Variants in ARAP1 observed in about 807,000 individuals in gnomAD.
ARAP1 encodes ArfGAP with RhoGAP domain, ankyrin repeat and PH domain 1.
In ARAP1, 76 loss-of-function variants were observed where a neutral mutation model predicts 172.2. The ratio of observed to expected loss-of-function variants is 0.44; its 90% confidence interval spans 0.37 to 0.53. The LOEUF (loss-of-function observed/expected upper bound fraction) is 0.53, where lower values mean the gene tolerates loss of function less well. ARAP1 is among the 20% of genes least tolerant of loss of function. ARAP1 has a pLI of 0.00. For synonymous variants in ARAP1, 804 were observed against 803.3 expected (o/e 1.00, Z -0.01); for missense variants, 1,686 against 1,977.5 (o/e 0.85, Z 2.80).
intron 34 of ARAP1, 55 bp downstream of exon 34, chr11:72,685,987 C>T (rs1450843681): frequency 1.2e-6 from 2 of 1,613,090 alleles, no homozygotes; most frequent in Non-Finnish European, 1.7e-6. Context: ...GAGTAGAAGG[C>T]AGGCACCCAG....
In ARAP1 at chr11:72,699,606, C is replaced by A; in HGVS notation, c.2303-54G>T. 3 of 1,578,322 alleles carry A rather than the reference C, an allele frequency of 1.9e-6. No individual in the cohort carries two copies. The highest frequency in any genetic ancestry group is 2.6e-6 in the Non-Finnish European group (3 of 1,162,932). On this transcript the variant is annotated intron_variant, in intron 16 of 34. Transcript: ENST00000393609. This position sits in a 1 kb window ranked among gnomAD's most constrained non-coding sequence, Gnocchi z 4.2. ...CAGGGAGCCCCCCACCACCTGAAAA[C>A]CACCTCTGCATCCTCCCGGGGCTCC...
intron 14 of ARAP1, chr11:72,703,879 G>A (rs1035312583): frequency 1.2e-5 from 6 of 483,314 alleles, no homozygotes; most frequent in Admixed American, 7.6e-5. Flanking sequence ...AGAAGCAACC[G>A]GACGGGGTGC....
chr11:72,729,430 A>G (rs977213905), intron 2 of ARAP1, among the ~76,000 whole-genome samples: 1 of 152,066 alleles, frequency 6.6e-6, no homozygotes, highest in African/African-American at 2.4e-5. Flanking sequence ...TGTCTCTACT[A>G]AAAATACAAA....
At chr11:72,733,685 C>G (rs1013199479) in intron 1 of ARAP1, among the ~76,000 whole-genome samples, 2 of 152,184 alleles carry the variant, frequency 1.3e-5, no homozygotes, top group Non-Finnish European at 1.5e-5. Context: ...CTGCTGTGCT[C>G]TGCATAATGG....
intron 1 of ARAP1, among the ~76,000 whole-genome samples, chr11:72,736,811 T>A (rs1252107063): frequency 2.6e-5 from 4 of 152,142 alleles, no homozygotes; most frequent in Non-Finnish European, 5.9e-5. Context: ...AGCTCTGACG[T>A]TTACAGACGA....
chr11:72,690,246 CA>C (rs1379491419), intron 30 of ARAP1, among the ~76,000 whole-genome samples: 1 of 152,122 alleles, frequency 6.6e-6, no homozygotes, highest in Non-Finnish European at 1.5e-5. Context: ...CTGCAGGAAT[CA>C]AGACATTCAA....
intron 5 of ARAP1, chr11:72,712,964 G>C (rs1382186807): frequency 4.9e-6 from 3 of 617,086 alleles, no homozygotes; most frequent in Non-Finnish European, 8.6e-6. Context: ...CCAGGGCCTG[G>C]GGGAGCCACA....
rs754583092 is a variant in ARAP1, at chr11:72,697,582, G to A, written c.2789+16C>T. The A allele has an allele frequency of 1.1e-5, 17 of 1,613,896 alleles. No individual in the cohort carries two copies. Among genetic ancestry groups the A allele is most frequent in the African/African-American group, 6.7e-5 (5 of 74,912 alleles). ...CTCCAGCCTTCTCAGAGCCCCTCAG[G>A]GAGGCCGTGGCTCACCTCCTTCGCT... On this transcript the variant is annotated intron_variant, in intron 20 of 34. Coordinates refer to ENST00000393609, the MANE Select transcript of ARAP1 (RefSeq NM_001040118.3).
chr11:72,694,453 T>C (rs1295419720), intron 27 of ARAP1, among the ~76,000 whole-genome samples: 1 of 151,870 alleles, frequency 6.6e-6, no homozygotes, highest in Non-Finnish European at 1.5e-5. Flanking sequence ...GCTTTTGCCT[T>C]CTTCACCAAG....
rs1178491905 is a variant in ARAP1 at position 72,703,043 on chromosome 11, C to T, written c.2029G>A (p.Glu677Lys). 1 of 1,598,368 alleles carries T rather than the reference C, an allele frequency of 6.3e-7. No individual in the cohort carries two copies. ...CAAVTTTDLA[E>K]TQALLGCGAG... ...CCACAGCCCAGGAGCGCCTGGGTCT[C>T]AGCCAGGTCTGTGGTGGTGACTGCA... Residue 677 changes from glutamate to lysine, a missense_variant, in exon 15 of 35, where the codon GAG (glutamate) becomes AAG (lysine). By Grantham distance (56) the Glu-to-Lys change is moderately conservative (BLOSUM62 1). This residue lies in a region of ARAP1 where 688 missense variants were observed against 856.9 expected (regional missense o/e 0.80). Coordinates refer to ENST00000393609, the MANE Select transcript of ARAP1 (RefSeq NM_001040118.3).
Position 72,685,682 on chromosome 11 carries a change from C to A in ARAP1, c.4336-1G>T. 1 of 1,614,046 alleles carries A rather than the reference C, an allele frequency of 6.2e-7. No individual in the cohort carries two copies. Among genetic ancestry groups the A allele is most frequent in the Non-Finnish European group, 8.5e-7 (1 of 1,179,896 alleles). Reference sequence around the variant, plus strand: ...CCTGTGCTCAGACGTTGCGCAGAAGCTGCAGGAAGGCAAGAGACCCACAGG... The same window carrying A: ...CCTGTGCTCAGACGTTGCGCAGAAGATGCAGGAAGGCAAGAGACCCACAGG... On this transcript the variant is annotated splice_acceptor_variant, in intron 34 of 34. Transcript: ENST00000393609. LOFTEE classifies it high-confidence loss of function.
Position 72,705,650 on chromosome 11 carries a change from G to C in ARAP1, c.1809+155C>G. ...CAGTTTGCTGACTTTGCCAAAAATTGCTTTTCCGAAATCCCCACCCACTAG... is the reference window on the plus strand; with the variant it reads ...CAGTTTGCTGACTTTGCCAAAAATTCCTTTTCCGAAATCCCCACCCACTAG... On this transcript the variant is annotated intron_variant, in intron 13 of 34. Transcript: ENST00000393609. 3 of 690,426 alleles carry C rather than the reference G, an allele frequency of 4.3e-6. No homozygotes were observed. The South Asian group carries it at 7.5e-5, about 17-fold the overall frequency. 42.8% of individuals were successfully genotyped at this position (690,426 alleles called of 1,614,324 possible).
intron 3 of ARAP1, among the ~76,000 whole-genome samples, chr11:72,716,696 A>G (rs1416284650): frequency 6.6e-6 from 1 of 152,254 alleles, no homozygotes; most frequent in Non-Finnish European, 1.5e-5. Context: ...CCTATGAGTC[A>G]CTATCCACTG....
chr11:72,731,479 C>A (rs764650454), intron 2 of ARAP1, among the ~76,000 whole-genome samples: 1 of 152,212 alleles, frequency 6.6e-6, no homozygotes, highest in Non-Finnish European at 1.5e-5. Flanking sequence ...CCTGCTCCCG[C>A]TTTGCCTTCT....
chr11:72,688,457 G>A lies in ARAP1; in HGVS notation c.4068C>T (p.Thr1356=), dbSNP rs148121568. 310 of 1,611,520 alleles carry A rather than the reference G, an allele frequency of 1.9e-4. 2 individuals are homozygous for A. The East Asian group carries it at 6.3e-3, about 33-fold the overall frequency. ...LGVKKKLRPP[T]CWGFTVVHET... Reference sequence around the variant, plus strand: ...CTATCTGCCCAGTCCCAGCTTACCAGGTGGGTGGCCTGAGTTTCTTCTTCA... The same window carrying A: ...CTATCTGCCCAGTCCCAGCTTACCAAGTGGGTGGCCTGAGTTTCTTCTTCA... Residue 1356 remains threonine (T), a splice_region_variant and synonymous_variant, in exon 31 of 35, where the codon ACC becomes ACT. Transcript: ENST00000393609.
intron 13 of ARAP1, chr11:72,705,425 A>G (rs2135527339): frequency 1.1e-5 from 2 of 182,974 alleles, no homozygotes; most frequent in Admixed American, 1.2e-4. Context: ...AGCCCTGCCC[A>G]GGACCTCAGT....
intron 1 of ARAP1, among the ~76,000 whole-genome samples, chr11:72,749,928 T>G (rs1858486586): frequency 6.6e-6 from 1 of 151,510 alleles, no homozygotes. Context: ...GAGGCCAGAC[T>G]AGGAGACAGA....
intron 3 of ARAP1, chr11:72,722,296 C>T: frequency 2.0e-6 from 2 of 985,662 alleles, no homozygotes; most frequent in Non-Finnish European, 2.4e-6. Flanking sequence ...TTTGTGTCTC[C>T]CCCACCTCCT....
In ARAP1 at chr11:72,710,062, C is replaced by G. The variant is rs372070176; in HGVS notation, c.1417-86G>C. 6 of 1,242,502 alleles carry G rather than the reference C, an allele frequency of 4.8e-6. No homozygotes were observed. Among genetic ancestry groups the G allele is most frequent in the Non-Finnish European group, 7.1e-6 (6 of 848,170 alleles). 77.0% of individuals were successfully genotyped at this position (1,242,502 alleles called of 1,614,324 possible). On this transcript the variant is annotated intron_variant, in intron 10 of 34. Coordinates refer to ENST00000393609, the MANE Select transcript of ARAP1 (RefSeq NM_001040118.3). This position sits in a 1 kb window ranked among gnomAD's most constrained non-coding sequence, Gnocchi z 4.3. ...ACAGGGAGAGGAAGGGAAGGTGGTG[C>G]AACTCAGGGACTGGGGGGGGTGCCC...
Sources: gnomAD v4.1 joint callset for allele counts (sites outside exome capture counted in the v4.1 genomes callset) on GRCh38, gnomAD v4.1.1 for gene constraint, gnomAD v4.1.1 regional missense constraint, Gnocchi (gnomAD v3.1) non-coding constraint, MANE v1.5 for transcripts, NCBI Gene and HGNC (gene_info 2026-07-23, HGNC 2026-07-21) for gene names.